LRTM1: variants seen among roughly 807,000 people sequenced by gnomAD.
The protein encoded by LRTM1 is leucine-rich repeat and transmembrane domain-containing protein 1.
In LRTM1, 38 loss-of-function variants were observed where a neutral mutation model predicts 32.4. That is an observed-to-expected ratio of 1.17 (90% CI 0.91 to 1.54). LRTM1 has a LOEUF of 1.54. LRTM1 is among the 40% of genes most tolerant of loss of function. The pLI, the probability that LRTM1 is intolerant of heterozygous loss-of-function variation, is 0.00. For synonymous variants in LRTM1, 186 were observed against 169.9 expected, an observed-to-expected ratio of 1.09 and a Z score of -0.74; for missense variants, 466 against 415.4, an observed-to-expected ratio of 1.12 and a Z score of -1.06.
chr3:54,934,541 G>A (rs970406999), intron 1 of LRTM1, among the ~76,000 whole-genome samples: 7 of 152,134 alleles, frequency 4.6e-5, no homozygotes, highest in Admixed American at 1.3e-4. Context: ...TAAAATTAGT[G>A]GAGTAGTGGG....
rs1386374852 is a variant in LRTM1, at chr3:54,954,385, TCA to T, written c.-222+12541_-222+12542del. 2.0e-5 allele frequency among the ~76,000 whole-genome samples: 3 copies of T among 152,324 alleles called. No homozygotes were observed. The East Asian group carries it at 5.8e-4, about 29-fold the overall frequency. On this transcript the variant is annotated intron_variant, in intron 1 of 2. Coordinates refer to the LRTM1 transcript ENST00000493075. ...AGCAGGGCTTAGAGCAGGGATGCTT[TCA>T]CATTCTTCCCAGCAATAGGAGAGAA...
At chr3:54,940,039 T>C (rs1701428199) in intron 1 of LRTM1, among the ~76,000 whole-genome samples, 1 of 149,230 alleles carries the variant, frequency 6.7e-6, no homozygotes. Context: ...GGGTGGAAGA[T>C]GGAGAAGGTG....
At chr3:54,937,852 G>C (rs567752656) in intron 1 of LRTM1, among the ~76,000 whole-genome samples, 16 of 152,270 alleles carry the variant, frequency 1.1e-4, no homozygotes, top group African/African-American at 3.8e-4. Flanking sequence ...TGAGGAAGGA[G>C]CTTGGGCAAG....
At chr3:54,928,889 T>C (rs755260543), upstream of LRTM1, among the ~76,000 whole-genome samples, 5 of 152,196 alleles carry the variant, frequency 3.3e-5, no homozygotes, top group Non-Finnish European at 1.5e-5. Context: ...TCTTCTCTAA[T>C]TGAAGCTTCA....
chr3:54,918,905 A>G lies in LRTM1; in HGVS notation c.605-13T>C, dbSNP rs1343665950. 6 of 1,515,400 alleles carry G rather than the reference A, an allele frequency of 4.0e-6. No individual in the cohort carries two copies. In the Admixed American group the frequency reaches 8.9e-5, roughly 23 times the overall value. 93.9% of individuals were successfully genotyped at this position (1,515,400 alleles called of 1,614,324 possible). A position where few individuals can be genotyped will look rare whatever the true frequency, so the allele number is the denominator to read the frequency against. On this transcript the variant is annotated splice_polypyrimidine_tract_variant and intron_variant, in intron 2 of 2. Coordinates refer to ENST00000273286, the MANE Select transcript of LRTM1 (RefSeq NM_020678.4). The stretch of plus-strand genomic sequence containing the variant: ...TCTGTTAGTCCCCCTTTAAAAAACA[A>G]AAGCAAAGAACAATAACAAAGCCTT...
chr3:54,952,035 G>C (rs548427638), intron 1 of LRTM1, among the ~76,000 whole-genome samples: 1 of 152,112 alleles, frequency 6.6e-6, no homozygotes, highest in Admixed American at 6.5e-5. Flanking sequence ...TTTTAGTAGA[G>C]ATGGCATTTC....
chr3:54,931,591 T>G (rs116608873), upstream of LRTM1, among the ~76,000 whole-genome samples: 5,157 of 152,060 alleles, frequency 0.034, 263 homozygotes, highest in African/African-American at 0.11. Context: ...ACTATGAGGG[T>G]CTCCTGGCCC....
chr3:54,964,818 A>ATT (rs111676613), intron 1 of LRTM1, among the ~76,000 whole-genome samples: 37 of 144,390 alleles, frequency 2.6e-4, no homozygotes, highest in African/African-American at 9.3e-4. Flanking sequence ...GGTTATTCTT[A>ATT]TTTTTTTTTT....
At chr3:54,930,467 T>C (rs899638430), upstream of LRTM1, among the ~76,000 whole-genome samples, 1 of 152,202 alleles carries the variant, frequency 6.6e-6, no homozygotes, top group Non-Finnish European at 1.5e-5. Flanking sequence ...AGTGGAGATA[T>C]TTAGCTGTGT....
upstream of LRTM1, chr3:54,928,062 T>C (rs1701078136): frequency 9.9e-6 from 7 of 709,322 alleles, no homozygotes; most frequent in South Asian, 1.2e-4. Context: ...CAGAAAACAG[T>C]TGTTGCTTTC....
In LRTM1 at chr3:54,926,597, C is replaced by T. The variant is rs187077489; in HGVS notation, c.7+1308G>A. Among the ~76,000 whole-genome samples, 284 of 151,680 alleles carry T rather than the reference C, an allele frequency of 1.9e-3. 1 individual carries two copies. The highest frequency in any genetic ancestry group is 6.6e-3 in the African/African-American group (274 of 41,326). On this transcript the variant is annotated intron_variant, in intron 1 of 2. Coordinates refer to ENST00000273286, the MANE Select transcript of LRTM1 (RefSeq NM_020678.4). ...TTTTAAAAATCCAGATAAATGTAAT[C>T]ATCAATATGTCTCATTCTGCAATTT...
chr3:54,925,300 A>G (rs1176380318), intron 1 of LRTM1, 85 bp from the exon 2 acceptor site: 9 of 1,145,162 alleles, frequency 7.9e-6, no homozygotes, highest in South Asian at 2.9e-5. Context: ...TTTACAGGTA[A>G]TGTGCTTTCC....
chr3:54,932,345 A>G (rs987156275), upstream of LRTM1, among the ~76,000 whole-genome samples: 2 of 151,982 alleles, frequency 1.3e-5, no homozygotes, highest in African/African-American at 2.4e-5. Context: ...AATTAACCCT[A>G]TAAATACGCG....
In LRTM1 at chr3:54,925,088, A is replaced by G; in HGVS notation, c.135T>C (p.Pro45=). ...TTCGAGTCTGAGGAGGTAAATGGGAAGGGATTTCGGCCAGACCCTGCTGGC... is the reference window on the plus strand; with the variant it reads ...TTCGAGTCTGAGGAGGTAAATGGGAGGGGATTTCGGCCAGACCCTGCTGGC... ...DCSQQGLAEI[P]SHLPPQTRTL... Residue 45 remains proline, a synonymous_variant, in exon 2 of 3, where the codon CCT becomes CCC. Transcript: ENST00000273286. The G allele has an allele frequency of 1.2e-6, 2 of 1,614,144 alleles. No individual in the cohort carries two copies. The highest frequency in any genetic ancestry group is 1.7e-6 in the Non-Finnish European group (2 of 1,180,016).
upstream of LRTM1, among the ~76,000 whole-genome samples, chr3:54,932,569 G>A (rs1701215732): frequency 6.6e-6 from 1 of 152,184 alleles, no homozygotes; most frequent in Non-Finnish European, 1.5e-5. Flanking sequence ...CTAGTGACTG[G>A]CTGAGTTATC....
chr3:54,941,479 T>C lies in LRTM1; in HGVS notation c.-221-16264A>G, dbSNP rs906187829. On this transcript the variant is annotated intron_variant, in intron 1 of 2. Transcript: ENST00000493075. ...TTTAAGACTCCAGTTTCATCTGTCGTTTTCCCCCTCCATTCATTGTTCATC... is the reference window on the plus strand; with the variant it reads ...TTTAAGACTCCAGTTTCATCTGTCGCTTTCCCCCTCCATTCATTGTTCATC... 2.7e-4 allele frequency among the ~76,000 whole-genome samples: 41 copies of C among 152,274 alleles called. 1 individual carries two copies. Among genetic ancestry groups the C allele is most frequent in the African/African-American group, 9.4e-4 (39 of 41,562 alleles).
rs142542421 is a variant in LRTM1 at position 54,918,649 on chromosome 3, C to A, written c.848G>T (p.Arg283Leu). 6.2e-7 allele frequency: 1 copy of A among 1,614,186 alleles called. No homozygotes were observed. Among genetic ancestry groups the A allele is most frequent in the East Asian group, 2.2e-5 (1 of 44,864 alleles). ...GATGATGACAGTGGCAATGGCATGA[C>A]GCAGGTTGGCCGGCCTTGGCTTGGG... The part of the protein sequence containing the change: ...LKPKPRPANL[R>L]HAIATVIITG... The change falls in exon 3 of 3, where the codon CGT (arginine) becomes CTT (leucine). Residue 283 changes from arginine (R) to leucine (L), a missense_variant. Arg to Leu is a moderately radical substitution (Grantham distance 102). Coordinates refer to ENST00000273286, the MANE Select transcript of LRTM1 (RefSeq NM_020678.4).
intron 1 of LRTM1, among the ~76,000 whole-genome samples, chr3:54,945,015 AAACTT>A (rs1466591640): frequency 2.0e-5 from 3 of 152,148 alleles, no homozygotes; most frequent in African/African-American, 7.2e-5. Context: ...GAATCAATGA[AAACTT>A]AGCCAAACTG....
intron 2 of LRTM1, among the ~76,000 whole-genome samples, chr3:54,921,700 A>G (rs1237165128): frequency 6.6e-6 from 1 of 152,114 alleles, no homozygotes; most frequent in Admixed American, 6.5e-5. Context: ...GGATGACCTT[A>G]GAGGCCACGT....
Sources: gnomAD v4.1 joint callset for allele counts (sites outside exome capture counted in the v4.1 genomes callset) on GRCh38, gnomAD v4.1.1 for gene constraint, MANE v1.5 for transcripts, NCBI Gene and HGNC (gene_info 2026-07-23, HGNC 2026-07-21) for gene names.